CCDC171: variants seen among roughly 807,000 people sequenced by gnomAD.
CCDC171 encodes coiled-coil domain-containing protein 171.
CCDC171 carries 177 observed loss-of-function variants against 168.2 expected under a neutral mutation model. That is an observed-to-expected ratio of 1.05 (90% CI 0.93 to 1.19). The LOEUF is 1.19. CCDC171 is among the 50% of genes most tolerant of loss of function. The pLI, the probability that CCDC171 is intolerant of heterozygous loss-of-function variation, is 0.00. For synonymous variants in CCDC171, 687 were observed against 540.8 expected (o/e 1.27, Z -3.75); for missense variants, 1,991 against 1,539.0 (o/e 1.29, Z -4.91).
At chr9:15,623,510 A>AC in intron 7 of CCDC171, 97 bp downstream of exon 7, 1 of 287,072 alleles carries the variant, frequency 3.5e-6, no homozygotes, top group Non-Finnish European at 5.6e-6. Flanking sequence ...CACACACATA[A>AC]AACCCATTCC....
At chr9:15,858,090 T>A (rs1286154341) in intron 23 of CCDC171, among the ~76,000 whole-genome samples, 1 of 152,042 alleles carries the variant, frequency 6.6e-6, no homozygotes, top group Admixed American at 6.6e-5. Context: ...TGATCTTGGC[T>A]CACTGTAGCC....
At chr9:15,567,019 TA>T (rs2039788536) in intron 2 of CCDC171, among the ~76,000 whole-genome samples, 1 of 144,374 alleles carries the variant, frequency 6.9e-6, no homozygotes, top group South Asian at 2.2e-4. Context: ...TATATTGATC[TA>T]CATGTCCTTT....
chr9:15,941,273 T>C (rs377509905), intron 25 of CCDC171, among the ~76,000 whole-genome samples: 7 of 152,064 alleles, frequency 4.6e-5, no homozygotes, highest in East Asian at 3.9e-4. Context: ...CAGGAATGCA[T>C]AGAAAGTTAG....
chr9:15,603,937 T>C (rs1379901481), intron 6 of CCDC171, among the ~76,000 whole-genome samples: 1 of 152,234 alleles, frequency 6.6e-6, no homozygotes, highest in Non-Finnish European at 1.5e-5. Context: ...TTTTTAATAA[T>C]TGCCATTCTG....
At chr9:16,048,613 T>C (rs769624930) in intron 1 of CCDC171, among the ~76,000 whole-genome samples, 1 of 152,226 alleles carries the variant, frequency 6.6e-6, no homozygotes, top group Non-Finnish European at 1.5e-5. Flanking sequence ...CATTGCCATT[T>C]AGTAGCCAGT....
At chr9:15,845,695 A>G (rs756460126) in intron 21 of CCDC171, 19 of 152,238 alleles carry the variant, frequency 1.2e-4, no homozygotes, top group Non-Finnish European at 2.1e-4. Flanking sequence ...AGAAGAAAAC[A>G]TTATGTGTAT....
intron 21 of CCDC171, among the ~76,000 whole-genome samples, chr9:15,786,772 C>A (rs1474865595): frequency 2.0e-5 from 3 of 152,094 alleles, no homozygotes; most frequent in African/African-American, 7.2e-5. Flanking sequence ...TTGTTCCTGC[C>A]CTATCCTAAC....
At chr9:15,580,350 C>G (rs964917550) in intron 4 of CCDC171, among the ~76,000 whole-genome samples, 1 of 152,064 alleles carries the variant, frequency 6.6e-6, no homozygotes, top group Non-Finnish European at 1.5e-5. Context: ...GCAACAAAAA[C>G]AAAGATAAAT....
chr9:16,095,927 T>C, the CCDC171 span, among the ~76,000 whole-genome samples: 2 of 145,534 alleles, frequency 1.4e-5, no homozygotes, highest in African/African-American at 5.1e-5. Context: ...ATATATGATA[T>C]AGGGGTATGT....
At chr9:15,602,325 A>G (rs189962834) in intron 6 of CCDC171, among the ~76,000 whole-genome samples, 2 of 144,996 alleles carry the variant, frequency 1.4e-5, no homozygotes, top group Non-Finnish European at 3.1e-5. Context: ...ATTAGGTGTT[A>G]GTATCTCATA....
intron 23 of CCDC171, among the ~76,000 whole-genome samples, chr9:15,871,893 A>T (rs1377907398): frequency 6.6e-6 from 1 of 151,878 alleles, no homozygotes; most frequent in Non-Finnish European, 1.5e-5. Context: ...TTTCAACATG[A>T]TGCTTTCACT....
At chr9:16,095,513 C>CTCTG in the CCDC171 span, among the ~76,000 whole-genome samples, 1 of 152,046 alleles carries the variant, frequency 6.6e-6, no homozygotes, top group African/African-American at 2.4e-5. Context: ...GTCTCTGTCT[C>CTCTG]TCTTCTCTCT....
intron 3 of CCDC171, among the ~76,000 whole-genome samples, chr9:16,006,196 A>G (rs918995204): frequency 1.3e-5 from 2 of 152,052 alleles, no homozygotes; most frequent in Non-Finnish European, 2.9e-5. Context: ...AAGTAACTCC[A>G]CCATTTTACA....
intron 1 of CCDC171, among the ~76,000 whole-genome samples, chr9:16,044,553 T>C (rs1279465921): frequency 6.6e-6 from 1 of 151,396 alleles, no homozygotes; most frequent in Admixed American, 6.6e-5. Flanking sequence ...TTTTTGGTTC[T>C]TTGAGTATGT....
At chr9:15,866,329 A>G (rs1053234504) in intron 23 of CCDC171, among the ~76,000 whole-genome samples, 4 of 151,920 alleles carry the variant, frequency 2.6e-5, no homozygotes, top group Non-Finnish European at 4.4e-5. Flanking sequence ...TGAATAGACA[A>G]CTCTATTAGG....
At chr9:16,082,708 AACAT>A in the CCDC171 span, among the ~76,000 whole-genome samples, 2 of 152,350 alleles carry the variant, frequency 1.3e-5, no homozygotes, top group African/African-American at 4.8e-5. Flanking sequence ...ACCAGTAACA[AACAT>A]CTTAAGAGAT....
chr9:15,909,890 A>G (rs1823355954), intron 24 of CCDC171, among the ~76,000 whole-genome samples: 2 of 152,078 alleles, frequency 1.3e-5, no homozygotes, highest in Non-Finnish European at 2.9e-5. Context: ...CATATATTGC[A>G]TAGTGGTGAA....
intron 18 of CCDC171, among the ~76,000 whole-genome samples, chr9:15,753,882 G>T (rs1428558643): frequency 6.6e-6 from 1 of 152,130 alleles, no homozygotes; most frequent in Non-Finnish European, 1.5e-5. Context: ...GTAGATAAAG[G>T]AATATTATTG....
intron 16 of CCDC171, among the ~76,000 whole-genome samples, chr9:15,733,642 CT>C (rs775616523): frequency 1.4e-5 from 2 of 144,220 alleles, no homozygotes; most frequent in Admixed American, 1.5e-4. Context: ...GTGTCTAATT[CT>C]TTTTTTCTTT....
Sources: allele counts gnomAD v4.1 joint callset (sites outside exome capture counted in the v4.1 genomes callset), GRCh38; gene constraint gnomAD v4.1.1; transcripts MANE v1.5; gene names NCBI Gene and HGNC (gene_info 2026-07-23, HGNC 2026-07-21).